Variants in NT5E observed in about 807,000 individuals in gnomAD.
NT5E encodes the protein 5'-nucleotidase.
NT5E carries 53 observed loss-of-function variants against 55.1 expected under a neutral mutation model. The ratio of observed to expected loss-of-function variants is 0.96; its 90% CI spans 0.77 to 1.21. The LOEUF (loss-of-function observed/expected upper bound fraction) is 1.21. Among genes scored for constraint, NT5E ranks in the 50% most tolerant of loss-of-function variants. NT5E has a pLI of 0.00. For synonymous variants in NT5E, 270 were observed against 278.4 expected (o/e 0.97, Z 0.30); for missense variants, 683 against 724.3 (o/e 0.94, Z 0.65).
chr6:85,457,295 C>A (rs1277769807), intron 1 of NT5E, among the ~76,000 whole-genome samples: 1 of 152,128 alleles, frequency 6.6e-6, no homozygotes, highest in Non-Finnish European at 1.5e-5. Flanking sequence ...GTCAGAACAC[C>A]CAGATTTTAC....
chr6:85,486,905 C>T (rs1349388454), intron 4 of NT5E, among the ~76,000 whole-genome samples: 1 of 152,184 alleles, frequency 6.6e-6, no homozygotes, highest in Non-Finnish European at 1.5e-5. Flanking sequence ...ATGAGGTGCA[C>T]AGCACCCAGG....
chr6:85,467,100 T>A lies in NT5E; in HGVS notation c.380T>A (p.Leu127Gln). 3 of 1,614,172 alleles carry A rather than the reference T, an allele frequency of 1.9e-6. No individual in the cohort carries two copies. The highest frequency in any genetic ancestry group is 2.5e-6 in the Non-Finnish European group (3 of 1,180,032). The change falls in exon 2 of 9, where the codon CTG becomes CAG. Residue 127 changes from leucine (L) to glutamine (Q), a missense_variant. By Grantham distance (113) the Leu-to-Gln change is moderately radical. Transcript: ENST00000257770. ...GAATTTGATAATGGTGTGGAAGGAC[T>A]GATCGAGCCACTCCTCAAAGAGGCC... ...NHEFDNGVEG[L>Q]IEPLLKEAKF... is the part of the protein sequence containing the mutation.
intron 3 of NT5E, among the ~76,000 whole-genome samples, chr6:85,477,094 C>A (rs987444182): frequency 6.6e-6 from 1 of 152,124 alleles, no homozygotes; most frequent in Admixed American, 6.5e-5. Flanking sequence ...ATCCATAAAT[C>A]TTTCTCACTC....
At chr6:85,472,839 G>A (rs1370890050) in intron 3 of NT5E, among the ~76,000 whole-genome samples, 1 of 151,816 alleles carries the variant, frequency 6.6e-6, no homozygotes, top group African/African-American at 2.4e-5. Flanking sequence ...ACAGGCTAAG[G>A]AATAATTTCA....
rs546850864 is a variant in NT5E, at chr6:85,488,244, C to A, written c.1104+755C>A. Among the ~76,000 whole-genome samples, 4 of 152,314 alleles carry A rather than the reference C, an allele frequency of 2.6e-5. No homozygotes were observed. In the East Asian group the frequency reaches 7.7e-4, roughly 29 times the overall value. On this transcript the variant is annotated intron_variant, in intron 5 of 8. Transcript: ENST00000257770. ...CTTACTGAGCCAAGGTCTCCTATGT[C>A]GGACTACTACTTCCATGGGCTCACA... is the stretch of plus-strand genomic sequence containing the variant.
chr6:85,490,455 T>C, intron 6 of NT5E, 53 bp from the exon 7 acceptor site: 2 of 1,607,934 alleles, frequency 1.2e-6, no homozygotes, highest in Middle Eastern at 1.7e-4. Context: ...GGTCATGGTG[T>C]AAGCATTTTC....
chr6:85,479,429 G>T (rs940871452), intron 3 of NT5E, among the ~76,000 whole-genome samples: 2 of 152,154 alleles, frequency 1.3e-5, no homozygotes, highest in Non-Finnish European at 2.9e-5. Flanking sequence ...TGGAACCAGA[G>T]CTTTGGCCTT....
rs778105813 is a variant in NT5E, at chr6:85,450,341, G to A, written c.202G>A (p.Val68Ile). The change falls in exon 1 of 9, where the codon GTT becomes ATT. Residue 68 changes from valine to isoleucine, a missense_variant. By Grantham distance (29) the Val-to-Ile change is conservative. Transcript: ENST00000257770. The surrounding 1 kb of genome is among the most constrained non-coding windows in gnomAD (Gnocchi z 4.0). ...TGGCGTGGCTCGGCTCTTCACCAAG[G>A]TTCAGCAGATCCGCCGCGCCGAACC... is the stretch of plus-strand genomic sequence containing the variant. ...MGGVARLFTK[V>I]QQIRRAEPNV... is the part of the protein sequence containing the mutation. The A allele has an allele frequency of 2.5e-6, 4 of 1,596,836 alleles. No homozygotes were observed. In the East Asian group the frequency reaches 6.8e-5, roughly 27 times the overall value.
chr6:85,488,709 T>C (rs1413251154), intron 5 of NT5E, among the ~76,000 whole-genome samples: 1 of 152,050 alleles, frequency 6.6e-6, no homozygotes, highest in African/African-American at 2.4e-5. Flanking sequence ...GCCTCCCAAG[T>C]AGCTGGGATT....
At chr6:85,474,131 C>CTT (rs1051616151) in intron 3 of NT5E, among the ~76,000 whole-genome samples, 14 of 152,162 alleles carry the variant, frequency 9.2e-5, no homozygotes, top group Non-Finnish European at 1.8e-4. Context: ...GCTCAAGTCC[C>CTT]TTATATAAAT....
In NT5E at chr6:85,450,675, G is replaced by A. The variant is rs1162661043; in HGVS notation, c.339+197G>A. Among the ~76,000 whole-genome samples the A allele has an allele frequency of 2.0e-5, 3 of 152,188 alleles. No individual in the cohort carries two copies. Among genetic ancestry groups the A allele is most frequent in the Non-Finnish European group, 4.4e-5 (3 of 68,014 alleles). On this transcript the variant is annotated intron_variant, in intron 1 of 8. Coordinates refer to ENST00000257770, the MANE Select transcript of NT5E (RefSeq NM_002526.4). This position sits in a 1 kb window ranked among gnomAD's most constrained non-coding sequence, Gnocchi z 4.0. ...CGATTCGTCTTAAACGGACGTTATT[G>A]CGCCCCCACTATGAGATGGGAGTAT...
At chr6:85,478,308 C>T (rs1769476188) in intron 3 of NT5E, among the ~76,000 whole-genome samples, 2 of 152,178 alleles carry the variant, frequency 1.3e-5, no homozygotes, top group Admixed American at 6.5e-5. Context: ...GACTACAGAA[C>T]GAATGGCAGT....
chr6:85,481,620 C>T, intron 3 of NT5E, among the ~76,000 whole-genome samples: 1 of 152,184 alleles, frequency 6.6e-6, no homozygotes. Context: ...AGCCCTCTGG[C>T]TTCAGAAGCT....
intron 1 of NT5E, among the ~76,000 whole-genome samples, chr6:85,462,279 C>G (rs186286205): frequency 9.2e-4 from 140 of 152,266 alleles, no homozygotes; most frequent in Middle Eastern, 3.4e-3. Context: ...CTGCCTCCAG[C>G]CCTACTTTCT....
intron 5 of NT5E, among the ~76,000 whole-genome samples, chr6:85,488,684 G>A (rs1483509208): frequency 4.6e-5 from 7 of 152,042 alleles, no homozygotes; most frequent in Admixed American, 1.3e-4. Context: ...GGGTTCAAGC[G>A]ATTCTCCTGC....
At chr6:85,471,598 A>G in intron 3 of NT5E, 173 bp downstream of exon 3, 1 of 325,312 alleles carries the variant, frequency 3.1e-6, no homozygotes, top group African/African-American at 2.2e-5. Context: ...AAATCTTACA[A>G]ACATTACTAA....
chr6:85,452,833 C>T (rs1160885935), intron 1 of NT5E, among the ~76,000 whole-genome samples: 4 of 152,150 alleles, frequency 2.6e-5, no homozygotes, highest in African/African-American at 9.7e-5. Flanking sequence ...CCACTCACCG[C>T]ATATTGATTC....
intron 7 of NT5E, chr6:85,491,459 C>G (rs1769782487): frequency 3.3e-5 from 10 of 303,324 alleles, no homozygotes; most frequent in South Asian, 3.0e-4. Flanking sequence ...GGGGCCCTGT[C>G]CTAATGCCTA....
At chr6:85,464,393 T>G (rs1172895128) in intron 1 of NT5E, among the ~76,000 whole-genome samples, 1 of 152,162 alleles carries the variant, frequency 6.6e-6, no homozygotes, top group African/African-American at 2.4e-5. Context: ...CTGCTTTTAT[T>G]TTATTCATTC....
Sources: gnomAD v4.1 joint callset for allele counts (sites outside exome capture counted in the v4.1 genomes callset) on GRCh38, gnomAD v4.1.1 for gene constraint, Gnocchi (gnomAD v3.1) non-coding constraint, MANE v1.5 for transcripts, NCBI Gene and HGNC (gene_info 2026-07-23, HGNC 2026-07-21) for gene names.